SUPT3H: variants seen among roughly 807,000 people sequenced by gnomAD.
SUPT3H encodes SPT3 homolog, SAGA and STAGA complex component, also known as transcription initiation protein SPT3 homolog.
SUPT3H carries 44 observed loss-of-function variants against 44.3 expected under a neutral mutation model. That is an observed-to-expected ratio of 0.99 (90% CI 0.78 to 1.28). The LOEUF is 1.28. Ranked by LOEUF, SUPT3H falls within the 50% of genes most tolerant of loss-of-function variation. SUPT3H has a pLI of 0.00. For synonymous variants in SUPT3H, 124 were observed against 125.6 expected (o/e 0.99, Z 0.09); for missense variants, 380 against 387.1 (o/e 0.98, Z 0.15).
chr6:44,828,341 T>C lies in SUPT3H; in HGVS notation c.*1475A>G, dbSNP rs1768009843. ...CCTTTGGGAATATTTTGATATTATA[T>C]ATCTATCCGTGCTTTTTGTTTCTGA... On this transcript the variant is annotated 3_prime_UTR_variant, in exon 11 of 11. Transcript: ENST00000371459. 6.6e-6 allele frequency among the ~76,000 whole-genome samples: 1 copy of C among 152,172 alleles called. No individual in the cohort carries two copies. The highest frequency in any genetic ancestry group is 1.5e-5 in the Non-Finnish European group (1 of 68,004).
intron 9 of SUPT3H, among the ~76,000 whole-genome samples, chr6:44,942,747 C>A (rs918368792): frequency 2.2e-4 from 34 of 152,084 alleles, no homozygotes; most frequent in Non-Finnish European, 4.7e-4. Context: ...TTTTACTAAC[C>A]CCTAAGTTCT....
intron 2 of SUPT3H, among the ~76,000 whole-genome samples, chr6:45,221,249 G>A (rs546525930): frequency 6.6e-6 from 1 of 152,248 alleles, no homozygotes; most frequent in South Asian, 2.1e-4. Context: ...GGGAGGGATA[G>A]CATTAGGAGA....
Position 45,296,451 on chromosome 6 carries a change from G to C in SUPT3H, c.101+68750C>G, listed in dbSNP as rs564471574. 3.3e-5 allele frequency among the ~76,000 whole-genome samples: 5 copies of C among 151,972 alleles called. No individual in the cohort carries two copies. The South Asian group carries it at 6.3e-4, about 19-fold the overall frequency. ...AAGGGGGTTAGGGATAAAAGACTACGAACAGTGCCAGGTGTGATGACTCAT... is the reference window on the plus strand; with the variant it reads ...AAGGGGGTTAGGGATAAAAGACTACCAACAGTGCCAGGTGTGATGACTCAT... On this transcript the variant is annotated intron_variant, in intron 2 of 10. Transcript: ENST00000371459.
chr6:45,141,964 A>G (rs1003372760), intron 2 of SUPT3H, among the ~76,000 whole-genome samples: 3 of 152,226 alleles, frequency 2.0e-5, no homozygotes, highest in African/African-American at 7.2e-5. Context: ...AAGTCAAGAC[A>G]AAGGAAAGAA....
chr6:45,240,729 G>C (rs574651384), intron 2 of SUPT3H, among the ~76,000 whole-genome samples: 3 of 152,246 alleles, frequency 2.0e-5, no homozygotes, highest in African/African-American at 4.8e-5. Context: ...ACAATCAGAT[G>C]GTAGAAACAG....
chr6:45,213,513 GATAA>G (rs1764471183), intron 2 of SUPT3H, among the ~76,000 whole-genome samples: 1 of 152,012 alleles, frequency 6.6e-6, no homozygotes, highest in Admixed American at 6.6e-5. Context: ...AGATAAAACA[GATAA>G]ATACTGTGTT....
At position 45,128,829 on chromosome 6, in the gene SUPT3H, G is replaced by T. The variant is rs187823707; in HGVS notation, c.102-22823C>A. On this transcript the variant is annotated intron_variant, in intron 2 of 10. Transcript: ENST00000371459. The stretch of plus-strand genomic sequence containing the variant: ...GCCTCCTGAATGGCTGGGATTACAC[G>T]CATGTGCCACCACACCTGACTAATT... Among the ~76,000 whole-genome samples the T allele has an allele frequency of 5.6e-3, 845 of 151,496 alleles. 8 individuals are homozygous for T. Among genetic ancestry groups the T allele is most frequent in the African/African-American group, 0.02 (810 of 41,312 alleles).
chr6:44,880,836 T>TA (rs1778104166), intron 10 of SUPT3H, among the ~76,000 whole-genome samples: 1 of 146,846 alleles, frequency 6.8e-6, no homozygotes. Flanking sequence ...CTAAGCTTCA[T>TA]AAGTGAAGGA....
intron 2 of SUPT3H, among the ~76,000 whole-genome samples, chr6:45,187,810 C>T (rs1390233611): frequency 6.6e-6 from 1 of 152,110 alleles, no homozygotes; most frequent in Admixed American, 6.6e-5. Flanking sequence ...AAATCATCAA[C>T]AAAATGTTAG....
chr6:45,227,764 A>G (rs1414954122), intron 2 of SUPT3H, among the ~76,000 whole-genome samples: 1 of 152,200 alleles, frequency 6.6e-6, no homozygotes, highest in Non-Finnish European at 1.5e-5. Context: ...AAACACAGGT[A>G]CCAATCACTT....
chr6:44,850,464 A>T (rs1772679497), intron 10 of SUPT3H, among the ~76,000 whole-genome samples: 1 of 152,204 alleles, frequency 6.6e-6, no homozygotes, highest in Admixed American at 6.5e-5. Context: ...AAGCAATAAG[A>T]AGCTGCCACA....
At position 45,265,967 on chromosome 6, in the gene SUPT3H, C is replaced by T. The variant is rs1000023526; in HGVS notation, c.101+99234G>A. ...TTTTGCCCAAATATAAGTCACCTTT[C>T]ACAGAATTAATGTTCAGAAACAGTT... On this transcript the variant is annotated intron_variant, in intron 2 of 10. Coordinates refer to ENST00000371459, the MANE Select transcript of SUPT3H (RefSeq NM_003599.4). Among the ~76,000 whole-genome samples the T allele has an allele frequency of 7.0e-4, 106 of 152,008 alleles. 1 individual carries two copies. Among genetic ancestry groups the T allele is most frequent in the Admixed American group, 2.0e-4 (3 of 15,248 alleles).
intron 2 of SUPT3H, among the ~76,000 whole-genome samples, chr6:45,154,242 T>C (rs1327024989): frequency 6.6e-6 from 1 of 152,052 alleles, no homozygotes; most frequent in East Asian, 1.9e-4. Context: ...ACACCTACTA[T>C]ATAGGAAGGA....
At chr6:45,164,946 C>T (rs994507421) in intron 2 of SUPT3H, among the ~76,000 whole-genome samples, 20 of 151,890 alleles carry the variant, frequency 1.3e-4, no homozygotes, top group African/African-American at 4.8e-4. Flanking sequence ...GCCCAAGACC[C>T]CAAAGATACA....
chr6:45,151,768 G>A (rs1330917583), intron 2 of SUPT3H, among the ~76,000 whole-genome samples: 1 of 152,046 alleles, frequency 6.6e-6, no homozygotes, highest in Non-Finnish European at 1.5e-5. Flanking sequence ...GGCAAGTATT[G>A]TCTACCAATA....
intron 11 of SUPT3H, among the ~76,000 whole-genome samples, chr6:44,819,405 GTTCA>G (rs1767123822): frequency 1.3e-5 from 2 of 151,538 alleles, no homozygotes; most frequent in African/African-American, 4.9e-5. Flanking sequence ...TTACACAACT[GTTCA>G]TTTGTCAGAA....
At chr6:45,271,759 C>CT (rs761893775) in intron 2 of SUPT3H, among the ~76,000 whole-genome samples, 78 of 152,262 alleles carry the variant, frequency 5.1e-4, no homozygotes, top group Admixed American at 1.7e-3. Flanking sequence ...GCATGGACAC[C>CT]TTGCATTGTC....
intron 10 of SUPT3H, among the ~76,000 whole-genome samples, chr6:44,879,201 CA>C (rs1279303114): frequency 4.6e-5 from 7 of 152,358 alleles, no homozygotes; most frequent in African/African-American, 1.2e-4. Flanking sequence ...GCCAGCACAG[CA>C]GTCTGAAGTC....
intron 2 of SUPT3H, among the ~76,000 whole-genome samples, chr6:45,174,133 C>G (rs1339385713): frequency 6.6e-6 from 1 of 152,160 alleles, no homozygotes; most frequent in Non-Finnish European, 1.5e-5. Context: ...GTGAAGAAAC[C>G]TGAAAAAGAC....
Sources: gnomAD v4.1 joint callset for allele counts (sites outside exome capture counted in the v4.1 genomes callset) on GRCh38, gnomAD v4.1.1 for gene constraint, MANE v1.5 for transcripts, NCBI Gene and HGNC (gene_info 2026-07-23, HGNC 2026-07-21) for gene names.